The following CDKL1 variants were observed in gnomAD, a reference collection of about 807,000 sequenced individuals.
CDKL1 encodes cyclin-dependent kinase-like 1.
In CDKL1, 41 loss-of-function variants were observed where a neutral mutation model predicts 42.0. The ratio of observed to expected loss-of-function variants is 0.98; its 90% CI spans 0.76 to 1.27. CDKL1 has a LOEUF of 1.27. CDKL1 is among the 50% of genes most tolerant of loss of function. CDKL1 has a pLI of 0.00. For missense variants in CDKL1, 394 were observed against 428.4 expected (o/e 0.92, Z 0.71); for synonymous variants, 153 against 158.6 (o/e 0.96, Z 0.26).
intron 2 of CDKL1, among the ~76,000 whole-genome samples, chr14:50,366,357 C>G (rs1391935081): frequency 6.6e-6 from 1 of 152,198 alleles, no homozygotes; most frequent in Admixed American, 6.5e-5. Context: ...CAGGCAGTGA[C>G]TGGCCCTGAG....
intron 8 of CDKL1, chr14:50,334,313 C>T (rs950560206): frequency 1.5e-5 from 5 of 323,548 alleles, no homozygotes; most frequent in African/African-American, 4.4e-5. Context: ...AGCGCCACCA[C>T]GCCTAATTTT....
At chr14:50,370,317 C>T (rs534649494) in intron 2 of CDKL1, among the ~76,000 whole-genome samples, 2 of 152,330 alleles carry the variant, frequency 1.3e-5, no homozygotes, top group Admixed American at 6.5e-5. Flanking sequence ...GAGCCACCTG[C>T]CTCAGCTTCC....
intron 5 of CDKL1, among the ~76,000 whole-genome samples, chr14:50,341,456 T>TGGG (rs10598932): frequency 1.1e-4 from 8 of 71,686 alleles, no homozygotes; most frequent in South Asian, 9.4e-4. Flanking sequence ...GGGGAGGGTC[T>TGGG]GGGGGGGGGG....
Position 50,380,208 on chromosome 14 carries a change from T to C in CDKL1, c.168+15493A>G, listed in dbSNP as rs1355224083. 5.6e-6 allele frequency: 3 copies of C among 532,504 alleles called. No homozygotes were observed. In the Admixed American group the frequency reaches 5.8e-5, roughly 10 times the overall value. The allele number at this position is 532,504 out of a possible 1,614,324, so 33.0% of individuals were successfully genotyped here. On this transcript the variant is annotated intron_variant, in intron 2 of 9. Coordinates refer to ENST00000395834, the MANE Select transcript of CDKL1 (RefSeq NM_004196.7). ...TTCCTCCCTGGCAACACAACCCTGG[T>C]CAAAATAGTAAATCCGAAGCAAAAC...
intron 1 of CDKL1, 190 bp downstream of exon 1, chr14:50,396,634 C>G: frequency 1.4e-5 from 3 of 213,730 alleles, no homozygotes; most frequent in Non-Finnish European, 2.4e-5. Context: ...GAAGACACCT[C>G]CCGGCTCCCC....
At chr14:50,372,794 T>C (rs2034625497) in intron 2 of CDKL1, among the ~76,000 whole-genome samples, 1 of 152,222 alleles carries the variant, frequency 6.6e-6, no homozygotes, top group South Asian at 2.1e-4. Context: ...ACTATGCTTT[T>C]CCCACTGTGT....
intron 7 of CDKL1, chr14:50,335,678 G>A: frequency 6.7e-7 from 1 of 1,488,934 alleles, no homozygotes; most frequent in Non-Finnish European, 8.9e-7. Context: ...GCCAAGCTGA[G>A]CAAAATAAGT....
Position 50,339,028 on chromosome 14 carries a change from C to A in CDKL1, c.657G>T (p.Gly219=). The part of the protein sequence containing the change: ...DQLYLIRKTL[G]DLIPRHQQVF... ...CTTGCTGGTGCCTAGGAATGAGATCCCCTTTGGACAAGAAAAGAAAAAGGT... is the reference window on the plus strand; with the variant it reads ...CTTGCTGGTGCCTAGGAATGAGATCACCTTTGGACAAGAAAAGAAAAAGGT... The change falls in exon 7 of 10, where the codon GGG becomes GGT. Residue 219 remains glycine (G), a splice_region_variant and synonymous_variant. Transcript: ENST00000395834. 1 of 1,603,138 alleles carries A rather than the reference C, an allele frequency of 6.2e-7. No homozygotes were observed. Among genetic ancestry groups the A allele is most frequent in the East Asian group, 2.2e-5 (1 of 44,820 alleles).
chr14:50,342,907 C>T, intron 4 of CDKL1: 2 of 1,337,490 alleles, frequency 1.5e-6, no homozygotes, highest in Middle Eastern at 2.1e-4. Flanking sequence ...AGCCCTCACC[C>T]TCTGGGGAGA....
At chr14:50,349,670 G>C (rs1223718104) in intron 3 of CDKL1, among the ~76,000 whole-genome samples, 1 of 152,202 alleles carries the variant, frequency 6.6e-6, no homozygotes, top group African/African-American at 2.4e-5. Context: ...CTCTGGAAGA[G>C]TCTGGGTGAC....
In CDKL1 at chr14:50,344,242, C is replaced by G. The variant is rs116157625; in HGVS notation, c.363+744G>C. ...GTTGCTTGGTTCGAGACTCGACACTCATATCTCACCAAAGCAGACACTGGC... is the reference window on the plus strand; with the variant it reads ...GTTGCTTGGTTCGAGACTCGACACTGATATCTCACCAAAGCAGACACTGGC... On this transcript the variant is annotated intron_variant, in intron 4 of 9. Transcript: ENST00000395834. Among the ~76,000 whole-genome samples, 413 of 152,296 alleles carry G rather than the reference C, an allele frequency of 2.7e-3. 3 individuals carry two copies. Among genetic ancestry groups the G allele is most frequent in the African/African-American group, 9.4e-3 (392 of 41,572 alleles).
At position 50,329,984 on chromosome 14, in the gene CDKL1, C is replaced by A; in HGVS notation, c.*90G>T. On this transcript the variant is annotated 3_prime_UTR_variant, in exon 10 of 10. Coordinates refer to ENST00000395834, the MANE Select transcript of CDKL1 (RefSeq NM_004196.7). ...ATGTTTTCTCCTGGTGTGTTTTCAA[C>A]ATTGTAATTGTTTTCAATCAACTGT... is the stretch of plus-strand genomic sequence containing the variant. 6.9e-7 allele frequency: 1 copy of A among 1,454,004 alleles called. No homozygotes were observed. Among genetic ancestry groups the A allele is most frequent in the Non-Finnish European group, 9.2e-7 (1 of 1,089,950 alleles). 90.1% of individuals were successfully genotyped at this position (1,454,004 alleles called of 1,614,324 possible).
chr14:50,335,932 T>TTA (rs2033245504), intron 7 of CDKL1: 1 of 1,307,248 alleles, frequency 7.6e-7, no homozygotes, highest in South Asian at 1.3e-5. Flanking sequence ...AAAAAAAAAA[T>TTA]CCTAAAGTAG....
At chr14:50,383,036 T>G (rs1469806138) in intron 2 of CDKL1, among the ~76,000 whole-genome samples, 2 of 151,522 alleles carry the variant, frequency 1.3e-5, no homozygotes, top group Non-Finnish European at 2.9e-5. Context: ...CACGCCATTC[T>G]CCTGCCTCAG....
intron 2 of CDKL1, among the ~76,000 whole-genome samples, chr14:50,377,946 A>T (rs568656569): frequency 2.3e-4 from 35 of 152,340 alleles, no homozygotes; most frequent in South Asian, 8.3e-4. Flanking sequence ...CCAAAAAATC[A>T]ATCTCAGGAC....
chr14:50,369,025 C>G (rs184471511), intron 2 of CDKL1, among the ~76,000 whole-genome samples: 2 of 151,976 alleles, frequency 1.3e-5, no homozygotes, highest in Non-Finnish European at 1.5e-5. Context: ...CACCACCATG[C>G]CTGGCTAATT....
intron 2 of CDKL1, among the ~76,000 whole-genome samples, chr14:50,372,207 G>A (rs2034609431): frequency 6.6e-6 from 1 of 152,212 alleles, no homozygotes; most frequent in Non-Finnish European, 1.5e-5. Context: ...CTTGCCTCCT[G>A]GCTGGGTTCA....
chr14:50,336,148 C>T, intron 7 of CDKL1: 3 of 1,365,038 alleles, frequency 2.2e-6, no homozygotes, highest in Non-Finnish European at 2.9e-6. Context: ...ACGCTGGAGC[C>T]CATCTGTGAG....
intron 2 of CDKL1, among the ~76,000 whole-genome samples, chr14:50,392,221 G>T (rs376700687): frequency 3.3e-5 from 5 of 152,132 alleles, no homozygotes; most frequent in Admixed American, 1.3e-4. Context: ...CAAGGTGGGC[G>T]GGTCATTTGA....
Sources: gnomAD v4.1 joint callset for allele counts (sites outside exome capture counted in the v4.1 genomes callset) on GRCh38, gnomAD v4.1.1 for gene constraint, MANE v1.5 for transcripts, NCBI Gene and HGNC (gene_info 2026-07-23, HGNC 2026-07-21) for gene names.